SNX25: variants seen among roughly 807,000 people sequenced by gnomAD.
SNX25 encodes sorting nexin 25.
In SNX25, 62 loss-of-function variants were observed where a neutral mutation model predicts 113.7. The ratio of observed to expected loss-of-function variants is 0.55; its 90% CI spans 0.44 to 0.67. The LOEUF (loss-of-function observed/expected upper bound fraction) is 0.67. Among genes scored for constraint, SNX25 ranks in the 30% least tolerant of loss-of-function variants. SNX25 has a pLI of 0.00. For synonymous variants in SNX25, 421 were observed against 436.2 expected (o/e 0.97, Z 0.43); for missense variants, 1,014 against 1,161.0 (o/e 0.87, Z 1.84).
At chr4:185,360,338 G>A (rs897587063) in intron 16 of SNX25, among the ~76,000 whole-genome samples, 4 of 152,184 alleles carry the variant, frequency 2.6e-5, no homozygotes, top group Non-Finnish European at 5.9e-5. Context: ...AGTGTAGTTT[G>A]ACTCATAGCA....
chr4:185,353,832 T>C (rs1191823614), intron 15 of SNX25, among the ~76,000 whole-genome samples: 2 of 151,928 alleles, frequency 1.3e-5, no homozygotes. Flanking sequence ...GATCATGAAG[T>C]CAAGAGATCA....
At chr4:185,221,528 G>A (rs971570741) in intron 1 of SNX25, among the ~76,000 whole-genome samples, 9 of 151,862 alleles carry the variant, frequency 5.9e-5, no homozygotes, top group African/African-American at 1.2e-4. Flanking sequence ...CTTAGCTACC[G>A]TCATGTCCCA....
At chr4:185,280,297 A>G (rs908081759) in intron 5 of SNX25, among the ~76,000 whole-genome samples, 7 of 152,226 alleles carry the variant, frequency 4.6e-5, no homozygotes, top group East Asian at 1.9e-4. Context: ...TTTTTGGTGT[A>G]TCTATACAGT....
chr4:185,375,413 G>A, the SNX25 span, among the ~76,000 whole-genome samples: 10 of 121,140 alleles, frequency 8.3e-5, no homozygotes, highest in Non-Finnish European at 1.2e-4. Context: ...CCGAGGTCGC[G>A]CCATTGCACT....
intron 9 of SNX25, among the ~76,000 whole-genome samples, chr4:185,325,530 C>G (rs1032992954): frequency 1.9e-5 from 1 of 52,262 alleles, no homozygotes; most frequent in African/African-American, 4.5e-5. Context: ...GAGACTCCGT[C>G]TCAAAAAAAA....
chr4:185,358,707 C>G (rs2095349666), intron 16 of SNX25, among the ~76,000 whole-genome samples: 1 of 152,136 alleles, frequency 6.6e-6, no homozygotes, highest in African/African-American at 2.4e-5. Context: ...TTTGGAAGTA[C>G]TGTTATCAAG....
chr4:185,308,791 A>C (rs1054275124), intron 6 of SNX25, among the ~76,000 whole-genome samples: 3 of 151,870 alleles, frequency 2.0e-5, no homozygotes, highest in African/African-American at 7.3e-5. Flanking sequence ...GTCTAGGATT[A>C]TTTGTTTCCT....
At chr4:185,369,915 C>G (rs1285624227) in exon 12 of SNX25, 2 of 298,718 alleles carry the variant, frequency 6.7e-6, no homozygotes, top group African/African-American at 4.5e-5. Context: ...ACTCAGAAGA[C>G]TCCCCCACTC....
At chr4:185,345,082 G>C (rs1260046508) in intron 12 of SNX25, among the ~76,000 whole-genome samples, 1 of 152,104 alleles carries the variant, frequency 6.6e-6, no homozygotes, top group East Asian at 1.9e-4. Flanking sequence ...GTCTTTGGAA[G>C]GTAGAATTTA....
the SNX25 span, chr4:185,377,237 G>A: frequency 4.1e-6 from 2 of 488,700 alleles, no homozygotes; most frequent in African/African-American, 3.9e-5. Context: ...AGCAATACTG[G>A]CCGGGCGCGG....
At chr4:185,229,103 G>C (rs539722608) in intron 1 of SNX25, among the ~76,000 whole-genome samples, 1 of 152,094 alleles carries the variant, frequency 6.6e-6, no homozygotes, top group Non-Finnish European at 1.5e-5. Flanking sequence ...CAACGCCCGC[G>C]GTGTGGTTGT....
intron 16 of SNX25, among the ~76,000 whole-genome samples, chr4:185,358,311 T>C (rs540490968): frequency 6.6e-6 from 1 of 152,362 alleles, no homozygotes; most frequent in South Asian, 2.1e-4. Flanking sequence ...ATTATCCATA[T>C]ACATAAAGGC....
Position 185,332,045 on chromosome 4 carries a change from A to G in SNX25, c.1750-550A>G, listed in dbSNP as rs538998828. On this transcript the variant is annotated intron_variant, in intron 9 of 18. Transcript: ENST00000652585. The stretch of plus-strand genomic sequence containing the variant: ...GACTTTTCCAAGTTACAGAGTTCTT[A>G]TGAATATTAAGTCACTTTCAAATGC... Among the ~76,000 whole-genome samples the G allele has an allele frequency of 3.9e-5, 6 of 152,352 alleles. No homozygotes were observed. In the South Asian group the frequency reaches 6.2e-4, roughly 16 times the overall value.
At chr4:185,340,705 T>C (rs1339090133) in intron 11 of SNX25, among the ~76,000 whole-genome samples, 1 of 151,688 alleles carries the variant, frequency 6.6e-6, no homozygotes, top group Non-Finnish European at 1.5e-5. Flanking sequence ...TCACAGTGTA[T>C]TAAAATCATC....
intron 6 of SNX25, among the ~76,000 whole-genome samples, chr4:185,297,122 C>G (rs1326387175): frequency 6.6e-6 from 1 of 152,064 alleles, no homozygotes; most frequent in African/African-American, 2.4e-5. Flanking sequence ...GGGTTTGTTC[C>G]TAACTCTTTT....
At chr4:185,297,276 G>A (rs1214674307) in intron 6 of SNX25, among the ~76,000 whole-genome samples, 2 of 152,172 alleles carry the variant, frequency 1.3e-5, no homozygotes, top group Admixed American at 1.3e-4. Flanking sequence ...GTAACCACAC[G>A]TGGCTGCCAT....
intron 5 of SNX25, 149 bp from the exon 6 acceptor site, chr4:185,287,863 C>G: frequency 1.6e-6 from 1 of 614,228 alleles, no homozygotes; most frequent in East Asian, 3.1e-5. Context: ...TGTAGATGCT[C>G]GGTCTATGTC....
intron 2 of SNX25, among the ~76,000 whole-genome samples, chr4:185,253,360 T>C (rs1186041414): frequency 1.3e-5 from 2 of 152,110 alleles, no homozygotes; most frequent in Non-Finnish European, 2.9e-5. Context: ...ACCCCAGACG[T>C]TGCACACAAA....
At chr4:185,375,628 C>T in the SNX25 span, 10 of 1,606,654 alleles carry the variant, frequency 6.2e-6, no homozygotes, top group Non-Finnish European at 8.5e-6. Flanking sequence ...CTAGAGTGGT[C>T]CCCAGCCCAT....
Sources: allele counts gnomAD v4.1 joint callset (sites outside exome capture counted in the v4.1 genomes callset), GRCh38; gene constraint gnomAD v4.1.1; transcripts MANE v1.5; gene names NCBI Gene and HGNC (gene_info 2026-07-23, HGNC 2026-07-21).